The following ENTREP2 variants were observed in gnomAD, a reference collection of about 807,000 sequenced individuals.
ENTREP2 encodes the protein protein ENTREP2.
At chr15:29,303,392 T>C in the ENTREP2 span, among the ~76,000 whole-genome samples, 4 of 152,318 alleles carry the variant, frequency 2.6e-5, no homozygotes, top group East Asian at 5.8e-4. Flanking sequence ...CAAACTGACT[T>C]TGATTTCAGA....
chr15:29,673,860 T>C, the ENTREP2 span, among the ~76,000 whole-genome samples: 5 of 152,326 alleles, frequency 3.3e-5, no homozygotes, highest in South Asian at 1.0e-3. Context: ...TCTCTTTCAC[T>C]GTCATAGTTG....
chr15:29,307,427 T>A, the ENTREP2 span, among the ~76,000 whole-genome samples: 1 of 152,226 alleles, frequency 6.6e-6, no homozygotes, highest in Admixed American at 6.5e-5. Context: ...AGATCAGGCA[T>A]TGGATACAGA....
chr15:29,615,513 A>G, the ENTREP2 span, among the ~76,000 whole-genome samples: 2 of 152,048 alleles, frequency 1.3e-5, no homozygotes, highest in African/African-American at 4.8e-5. Flanking sequence ...TAAGAGGGAG[A>G]GATCTGCCTG....
the ENTREP2 span, among the ~76,000 whole-genome samples, chr15:29,390,398 G>T: frequency 6.6e-6 from 1 of 151,976 alleles, no homozygotes; most frequent in African/African-American, 2.4e-5. Context: ...GGTTGGGGAA[G>T]AGTAACATAG....
the ENTREP2 span, among the ~76,000 whole-genome samples, chr15:29,306,831 C>T: frequency 3.3e-5 from 5 of 151,646 alleles, no homozygotes; most frequent in African/African-American, 9.7e-5. Flanking sequence ...CTGCAACTTC[C>T]GCCTACCTGG....
the ENTREP2 span, chr15:29,252,229 A>C: frequency 2.0e-6 from 1 of 511,984 alleles, no homozygotes; most frequent in East Asian, 3.1e-5. Flanking sequence ...TAACCTAAAT[A>C]CCCTAAACTA....
chr15:29,237,205 C>A, the ENTREP2 span, among the ~76,000 whole-genome samples: 1 of 152,164 alleles, frequency 6.6e-6, no homozygotes, highest in African/African-American at 2.4e-5. Flanking sequence ...TTGTTTTTCA[C>A]TGTTGAATTT....
the ENTREP2 span, among the ~76,000 whole-genome samples, chr15:29,304,989 A>G: frequency 6.6e-6 from 1 of 152,034 alleles, no homozygotes; most frequent in Non-Finnish European, 1.5e-5. Context: ...CCCTCAGCCA[A>G]CTGTACCACG....
At chr15:29,311,563 A>G in the ENTREP2 span, among the ~76,000 whole-genome samples, 1 of 152,094 alleles carries the variant, frequency 6.6e-6, no homozygotes. Context: ...GGTGGTGCAC[A>G]TCTGTAATCC....
the ENTREP2 span, among the ~76,000 whole-genome samples, chr15:29,619,959 C>T: frequency 6.6e-6 from 1 of 152,108 alleles, no homozygotes; most frequent in Admixed American, 6.5e-5. Flanking sequence ...GGATCCATTC[C>T]AGCTTTCCCG....
chr15:29,633,254 C>G, the ENTREP2 span, among the ~76,000 whole-genome samples: 1 of 152,100 alleles, frequency 6.6e-6, no homozygotes, highest in South Asian at 2.1e-4. Flanking sequence ...CTGAATTGCC[C>G]AAAAGGCTGA....
chr15:29,366,616 A>C, the ENTREP2 span, among the ~76,000 whole-genome samples: 1 of 151,982 alleles, frequency 6.6e-6, no homozygotes, highest in Non-Finnish European at 1.5e-5. Context: ...CCAGGTGACC[A>C]CTCATCTCTC....
At chr15:29,331,396 A>G in the ENTREP2 span, among the ~76,000 whole-genome samples, 1 of 151,938 alleles carries the variant, frequency 6.6e-6, no homozygotes, top group African/African-American at 2.4e-5. Flanking sequence ...GCAACACAGG[A>G]GATGGGGAGG....
At chr15:29,440,077 C>A in the ENTREP2 span, among the ~76,000 whole-genome samples, 4 of 152,020 alleles carry the variant, frequency 2.6e-5, no homozygotes, top group Admixed American at 2.6e-4. Context: ...GTGTCAAGGT[C>A]ATGAAAAACA....
the ENTREP2 span, among the ~76,000 whole-genome samples, chr15:29,554,895 A>C: frequency 6.6e-6 from 1 of 152,210 alleles, no homozygotes; most frequent in Admixed American, 6.5e-5. Context: ...ATTCTTACAC[A>C]CGTTAGCAAT....
the ENTREP2 span, among the ~76,000 whole-genome samples, chr15:29,260,113 G>T: frequency 6.6e-6 from 1 of 152,120 alleles, no homozygotes; most frequent in African/African-American, 2.4e-5. Context: ...ACAAAGAAAC[G>T]TCTGGGCCTA....
At chr15:29,252,777 T>G in the ENTREP2 span, among the ~76,000 whole-genome samples, 1 of 152,180 alleles carries the variant, frequency 6.6e-6, no homozygotes, top group African/African-American at 2.4e-5. Context: ...CATTATATAC[T>G]CTTAACAGTG....
At chr15:29,261,543 C>T in the ENTREP2 span, among the ~76,000 whole-genome samples, 204 of 152,294 alleles carry the variant, frequency 1.3e-3, no homozygotes, top group Non-Finnish European at 2.4e-3. Flanking sequence ...AGAAAACATA[C>T]TGAATTCACT....
chr15:29,667,244 G>A, the ENTREP2 span, among the ~76,000 whole-genome samples: 1 of 150,560 alleles, frequency 6.6e-6, no homozygotes, highest in East Asian at 2.0e-4. Context: ...CTGGAGTGCA[G>A]TGGCGGGATC....
Sources: gnomAD v4.1 joint callset for allele counts (sites outside exome capture counted in the v4.1 genomes callset) on GRCh38, gnomAD v4.1.1 for gene constraint, MANE v1.5 for transcripts, NCBI Gene and HGNC (gene_info 2026-07-23, HGNC 2026-07-21) for gene names.